CLEC9A: variants seen among roughly 807,000 people sequenced by gnomAD.
The protein encoded by CLEC9A is C-type lectin domain family 9 member A.
In CLEC9A, 24 loss-of-function variants were observed where a neutral mutation model predicts 30.0. That is an observed-to-expected ratio of 0.80 (90% CI 0.58 to 1.13). CLEC9A has a LOEUF of 1.13. Ranked by LOEUF, CLEC9A falls within the 50% of genes most tolerant of loss-of-function variation. The pLI is 0.00. For missense variants in CLEC9A, 251 were observed against 280.9 expected (o/e 0.89, Z 0.76); for synonymous variants, 111 against 96.8 (o/e 1.15, Z -0.86).
intron 1 of CLEC9A, among the ~76,000 whole-genome samples, chr12:10,032,888 A>T (rs977255106): frequency 6.6e-6 from 1 of 151,930 alleles, no homozygotes; most frequent in Non-Finnish European, 1.5e-5. Flanking sequence ...TCTTCTTAAC[A>T]TTTCTCTAAT....
At chr12:10,061,380 TATA>T (rs1255673838) in intron 6 of CLEC9A, 107 bp downstream of exon 6, 1 of 1,165,350 alleles carries the variant, frequency 8.6e-7, no homozygotes, top group African/African-American at 1.6e-5. Flanking sequence ...GTTAGGATTT[TATA>T]ATAAGAGTGA....
chr12:10,048,385 A>G (rs2137304626), intron 2 of CLEC9A, among the ~76,000 whole-genome samples: 1 of 143,200 alleles, frequency 7.0e-6, no homozygotes, highest in South Asian at 2.2e-4. Context: ...AAAAAAAAAG[A>G]CAACAGTGAA....
chr12:10,035,365 G>A (rs560049046), intron 1 of CLEC9A, among the ~76,000 whole-genome samples: 9 of 152,124 alleles, frequency 5.9e-5, no homozygotes, highest in Admixed American at 3.3e-4. Context: ...CCAGGGATCC[G>A]CCTTTCTCTA....
At chr12:10,035,854 C>A (rs949520846) in intron 1 of CLEC9A, among the ~76,000 whole-genome samples, 13 of 152,326 alleles carry the variant, frequency 8.5e-5, no homozygotes, top group African/African-American at 2.4e-4. Flanking sequence ...ATCCTCCCAC[C>A]TTAGCCTCCA....
chr12:10,043,331 G>A (rs930830720), intron 2 of CLEC9A: 17 of 192,554 alleles, frequency 8.8e-5, no homozygotes, highest in South Asian at 8.2e-5. Context: ...GTAAGTCCCC[G>A]ACACTCAGAA....
Position 10,044,915 on chromosome 12 carries a change from A to G in CLEC9A, c.-163+3295A>G, listed in dbSNP as rs150843697. On this transcript the variant is annotated intron_variant, in intron 2 of 8. Coordinates refer to ENST00000355819, the MANE Select transcript of CLEC9A (RefSeq NM_207345.4). ...ATGCCAAATAAACTAATAAATATAT[A>G]TTCCTTGTCCTCTCGTGATAAACGG... is the stretch of plus-strand genomic sequence containing the variant. Among the ~76,000 whole-genome samples the G allele has an allele frequency of 3.3e-5, 5 of 152,332 alleles. No homozygotes were observed. The East Asian group carries it at 7.7e-4, about 23-fold the overall frequency.
At chr12:10,038,981 G>C (rs919415584) in intron 1 of CLEC9A, among the ~76,000 whole-genome samples, 1 of 152,268 alleles carries the variant, frequency 6.6e-6, no homozygotes, top group Non-Finnish European at 1.5e-5. Flanking sequence ...ATCATCAGGA[G>C]AACACAGGTG....
intron 1 of CLEC9A, among the ~76,000 whole-genome samples, chr12:10,032,665 A>G (rs1865710050): frequency 6.6e-6 from 1 of 152,100 alleles, no homozygotes; most frequent in African/African-American, 2.4e-5. Context: ...AGCTGGGATT[A>G]CAGGTGTGAG....
chr12:10,065,831 G>A lies in CLEC9A; in HGVS notation c.*199G>A. On this transcript the variant is annotated 3_prime_UTR_variant, in exon 9 of 9. Transcript: ENST00000355819. ...TCATTTGATGTTGTTCACATTGCAA[G>A]AGTAAAACTTATTTAGAGCTACAGA... 3.9e-6 allele frequency: 2 copies of A among 512,676 alleles called. No homozygotes were observed. The allele number at this position is 512,676 out of a possible 1,614,324, so 31.8% of individuals were successfully genotyped here.
At chr12:10,045,273 T>C (rs1865836101) in intron 2 of CLEC9A, among the ~76,000 whole-genome samples, 2 of 152,214 alleles carry the variant, frequency 1.3e-5, no homozygotes, top group South Asian at 4.1e-4. Context: ...TGCTCCTTAA[T>C]CTTATGCTAC....
intron 5 of CLEC9A, among the ~76,000 whole-genome samples, chr12:10,056,743 T>C (rs538307355): frequency 1.3e-5 from 2 of 152,298 alleles, no homozygotes; most frequent in East Asian, 3.8e-4. Flanking sequence ...GAATGTAGTA[T>C]ATATTTAAAA....
Position 10,054,267 on chromosome 12 carries a change from T to G in CLEC9A, c.92-4T>G, listed in dbSNP as rs367601009. The G allele has an allele frequency of 7.5e-6, 12 of 1,610,082 alleles. No individual in the cohort carries two copies. The African/African-American group carries it at 1.5e-4, about 20-fold the overall frequency. ...CGGTATCATTTTTCCTATTCTGTGGTTAGGAGCATGCTGTCTTGTGATGGT... is the reference window on the plus strand; with the variant it reads ...CGGTATCATTTTTCCTATTCTGTGGGTAGGAGCATGCTGTCTTGTGATGGT... On this transcript the variant is annotated splice_polypyrimidine_tract_variant and splice_region_variant and intron_variant, in intron 4 of 8. Transcript: ENST00000355819.
intron 5 of CLEC9A, among the ~76,000 whole-genome samples, chr12:10,059,569 A>T (rs1368917843): frequency 6.6e-6 from 1 of 152,200 alleles, no homozygotes; most frequent in African/African-American, 2.4e-5. Context: ...GGTAAGTTGG[A>T]TGGACCTCAT....
intron 2 of CLEC9A, among the ~76,000 whole-genome samples, chr12:10,046,209 T>C (rs1865844485): frequency 6.6e-6 from 1 of 152,222 alleles, no homozygotes; most frequent in South Asian, 2.1e-4. Context: ...TAAAACTTTG[T>C]AGTGTTAATT....
intron 3 of CLEC9A, chr12:10,052,397 C>T (rs1336487105): frequency 3.2e-6 from 2 of 625,396 alleles, no homozygotes; most frequent in Non-Finnish European, 4.3e-6. Flanking sequence ...TCACCTTCAA[C>T]ATCTGCTACA....
At chr12:10,056,238 C>A (rs1047524276) in intron 5 of CLEC9A, among the ~76,000 whole-genome samples, 6 of 151,938 alleles carry the variant, frequency 3.9e-5, no homozygotes, top group African/African-American at 1.5e-4. Context: ...TGTGACCCAG[C>A]AGTACTACTT....
chr12:10,053,338 G>T (rs1865912285), intron 4 of CLEC9A, among the ~76,000 whole-genome samples: 1 of 152,184 alleles, frequency 6.6e-6, no homozygotes, highest in Non-Finnish European at 1.5e-5. Flanking sequence ...TGAAACCAAG[G>T]TGTTGGCAGG....
chr12:10,054,221 T>C lies in CLEC9A; in HGVS notation c.92-50T>C. On this transcript the variant is annotated intron_variant, in intron 4 of 8. Transcript: ENST00000355819. ...TCTCAATCTATCCTTGCCCCGTCTT[T>C]TTTATCTGCTTTCTCTAACTCGGTA... The C allele has an allele frequency of 2.1e-6, 3 of 1,459,186 alleles. No homozygotes were observed. In the South Asian group the frequency reaches 3.5e-5, roughly 17 times the overall value. 90.4% of individuals were successfully genotyped at this position (1,459,186 alleles called of 1,614,324 possible).
At chr12:10,055,388 T>A (rs1296956821) in intron 5 of CLEC9A, among the ~76,000 whole-genome samples, 1 of 152,196 alleles carries the variant, frequency 6.6e-6, no homozygotes, top group Non-Finnish European at 1.5e-5. Context: ...TCCACCTTCT[T>A]CTGTAAAAAT....
Sources: allele counts gnomAD v4.1 joint callset (sites outside exome capture counted in the v4.1 genomes callset), GRCh38; gene constraint gnomAD v4.1.1; transcripts MANE v1.5; gene names NCBI Gene and HGNC (gene_info 2026-07-23, HGNC 2026-07-21).